ARHGAP15: variants seen among roughly 807,000 people sequenced by gnomAD.
ARHGAP15 encodes rho GTPase-activating protein 15.
ARHGAP15 carries 51 observed loss-of-function variants against 63.7 expected under a neutral mutation model. The ratio of observed to expected loss-of-function variants is 0.80; its 90% CI spans 0.64 to 1.01. The LOEUF (loss-of-function observed/expected upper bound fraction) is 1.01, where lower values mean the gene tolerates loss of function less well. Among genes scored for constraint, ARHGAP15 ranks in the 50% least tolerant of loss-of-function variants. The pLI is 0.00. For missense variants in ARHGAP15, 560 were observed against 564.6 expected (o/e 0.99, Z 0.08); for synonymous variants, 191 against 193.8 (o/e 0.99, Z 0.12).
At chr2:143,524,073 A>G (rs1015709404) in intron 10 of ARHGAP15, among the ~76,000 whole-genome samples, 2 of 152,170 alleles carry the variant, frequency 1.3e-5, no homozygotes, top group Non-Finnish European at 2.9e-5. Flanking sequence ...ACAAAGTTAC[A>G]TATTTGACTT....
At chr2:143,732,910 GTTT>G (rs35876339) in intron 13 of ARHGAP15, among the ~76,000 whole-genome samples, 55 of 121,998 alleles carry the variant, frequency 4.5e-4, no homozygotes, top group African/African-American at 1.1e-3. Context: ...TTGTTTTTGG[GTTT>G]TTTTTTTTTT....
At chr2:143,509,333 A>G (rs79643106) in intron 9 of ARHGAP15, among the ~76,000 whole-genome samples, 2 of 71,354 alleles carry the variant, frequency 2.8e-5, no homozygotes, top group South Asian at 8.4e-4. Flanking sequence ...GCCTCTTATG[A>G]AAAAAAAAAA....
At chr2:143,654,829 CA>C (rs2105307405) in intron 12 of ARHGAP15, among the ~76,000 whole-genome samples, 1 of 152,218 alleles carries the variant, frequency 6.6e-6, no homozygotes, top group South Asian at 2.1e-4. Flanking sequence ...GACAAAAGAA[CA>C]ACCAAAAGTT....
At chr2:143,644,934 C>G (rs1476831365) in intron 12 of ARHGAP15, among the ~76,000 whole-genome samples, 3 of 151,948 alleles carry the variant, frequency 2.0e-5, no homozygotes, top group African/African-American at 7.2e-5. Context: ...AAATATAGAA[C>G]AGAAAGTATA....
At chr2:143,248,634 G>A (rs1053856700) in intron 5 of ARHGAP15, among the ~76,000 whole-genome samples, 6 of 152,270 alleles carry the variant, frequency 3.9e-5, no homozygotes, top group African/African-American at 1.4e-4. Flanking sequence ...AGTTGTGAAT[G>A]TAAGATTTCA....
At chr2:143,562,510 C>T (rs1696074132) in intron 11 of ARHGAP15, among the ~76,000 whole-genome samples, 2 of 152,216 alleles carry the variant, frequency 1.3e-5, no homozygotes, top group Non-Finnish European at 2.9e-5. Flanking sequence ...GAAACAAACT[C>T]TGTTATTCGC....
At chr2:143,156,520 T>G (rs1168065902) in intron 2 of ARHGAP15, among the ~76,000 whole-genome samples, 5 of 151,914 alleles carry the variant, frequency 3.3e-5, no homozygotes, top group African/African-American at 1.2e-4. Flanking sequence ...TTGAGTGTTC[T>G]GTTAATATCA....
intron 6 of ARHGAP15, among the ~76,000 whole-genome samples, chr2:143,384,563 G>GT (rs1231796123): frequency 1.1e-4 from 7 of 65,686 alleles, no homozygotes; most frequent in Admixed American, 8.2e-4. Flanking sequence ...GTGTTTTAGA[G>GT]TTAAAAAAAA....
chr2:143,170,358 T>C (rs148289864), intron 2 of ARHGAP15, among the ~76,000 whole-genome samples: 4 of 152,274 alleles, frequency 2.6e-5, no homozygotes, highest in Admixed American at 2.6e-4. Flanking sequence ...GTGCTATAAC[T>C]TGATGAGAGA....
intron 13 of ARHGAP15, among the ~76,000 whole-genome samples, chr2:143,733,730 A>G (rs1685637762): frequency 6.6e-6 from 1 of 152,170 alleles, no homozygotes; most frequent in Admixed American, 6.5e-5. Context: ...TTAGTCTATG[A>G]GATTATGAGG....
chr2:143,746,070 A>T (rs561992520), intron 13 of ARHGAP15, among the ~76,000 whole-genome samples: 1 of 152,192 alleles, frequency 6.6e-6, no homozygotes, highest in Non-Finnish European at 1.5e-5. Flanking sequence ...TTTCCACACA[A>T]TTCTATATGT....
chr2:143,651,489 G>T (rs1020845170), intron 12 of ARHGAP15, among the ~76,000 whole-genome samples: 1 of 151,950 alleles, frequency 6.6e-6, no homozygotes, highest in Non-Finnish European at 1.5e-5. Flanking sequence ...TAGACATTTG[G>T]AGTGGTCAGT....
chr2:143,467,465 T>G (rs1038297076), intron 8 of ARHGAP15, among the ~76,000 whole-genome samples: 1 of 151,996 alleles, frequency 6.6e-6, no homozygotes, highest in Non-Finnish European at 1.5e-5. Context: ...GTAACAGTAC[T>G]TGGTTTGGGG....
At chr2:143,562,448 C>T (rs758037098) in intron 11 of ARHGAP15, among the ~76,000 whole-genome samples, 5 of 152,100 alleles carry the variant, frequency 3.3e-5, no homozygotes, top group East Asian at 1.9e-4. Flanking sequence ...ATTTTTAAAA[C>T]GAGGTATTTC....
chr2:143,734,304 G>A (rs951534921), intron 13 of ARHGAP15, among the ~76,000 whole-genome samples: 1 of 152,142 alleles, frequency 6.6e-6, no homozygotes, highest in Non-Finnish European at 1.5e-5. Context: ...AGCCTAAGGG[G>A]GAAATGGCAC....
intron 6 of ARHGAP15, among the ~76,000 whole-genome samples, chr2:143,426,156 G>C (rs549662007): frequency 6.6e-6 from 1 of 152,090 alleles, no homozygotes; most frequent in Non-Finnish European, 1.5e-5. Context: ...GAGGGGCACT[G>C]TTTATGTCTG....
chr2:143,586,707 G>T (rs1697124374), intron 11 of ARHGAP15, among the ~76,000 whole-genome samples: 1 of 150,804 alleles, frequency 6.6e-6, no homozygotes, highest in African/African-American at 2.4e-5. Flanking sequence ...TTAACTATTT[G>T]TCTGAATTCC....
chr2:143,531,570 C>T (rs1437096159), intron 10 of ARHGAP15, among the ~76,000 whole-genome samples: 1 of 152,126 alleles, frequency 6.6e-6, no homozygotes, highest in Non-Finnish European at 1.5e-5. Flanking sequence ...AATATTTTAA[C>T]CTCTACAATT....
At chr2:143,623,166 C>T (rs1440653380) in intron 11 of ARHGAP15, among the ~76,000 whole-genome samples, 25 of 152,298 alleles carry the variant, frequency 1.6e-4, no homozygotes, top group Non-Finnish European at 4.4e-5. Flanking sequence ...GACAGCAGTG[C>T]CTTTGTACCT....
Sources: allele counts gnomAD v4.1 joint callset (sites outside exome capture counted in the v4.1 genomes callset), GRCh38; gene constraint gnomAD v4.1.1; transcripts MANE v1.5; gene names NCBI Gene and HGNC (gene_info 2026-07-23, HGNC 2026-07-21).